RBM24: variants seen among roughly 807,000 people sequenced by gnomAD.
RBM24 encodes RNA-binding protein 24.
A neutral mutation model predicts 23.6 loss-of-function variants in RBM24; 5 were observed. That is an observed-to-expected ratio of 0.21 (90% CI 0.11 to 0.45). The LOEUF (loss-of-function observed/expected upper bound fraction) is 0.45. Ranked by LOEUF, RBM24 falls within the 20% of genes least tolerant of loss-of-function variation. The pLI, the probability that RBM24 is intolerant of heterozygous loss-of-function variation, is 0.99. For missense variants in RBM24, 252 were observed against 314.6 expected (o/e 0.80, Z 1.51); for synonymous variants, 151 against 129.5 (o/e 1.17, Z -1.13).
intron 2 of RBM24, among the ~76,000 whole-genome samples, chr6:17,283,801 TACAG>T (rs1760110230): frequency 6.6e-6 from 1 of 152,216 alleles, no homozygotes; most frequent in Non-Finnish European, 1.5e-5. Flanking sequence ...AACCCTATGC[TACAG>T]ACAAAGAAAC....
Position 17,282,271 on chromosome 6 carries a change from G to GCA in RBM24, c.168+523_168+524dup, listed in dbSNP as rs747052382. The GCA allele has an allele frequency of 3.0e-3, 3,802 of 1,283,432 alleles. 8 individuals are homozygous for GCA. The highest frequency in any genetic ancestry group is 3.6e-3 in the Non-Finnish European group (3,544 of 983,404). The allele number at this position is 1,283,432 out of a possible 1,614,324, so 79.5% of individuals were successfully genotyped here. ...GGGCTCTTTGCCGAACTGAAACAGA[G>GCA]CATATTAAGCTTCCTTCCTAGAGAT... On this transcript the variant is annotated intron_variant, in intron 1 of 3. Coordinates refer to ENST00000379052, the MANE Select transcript of RBM24 (RefSeq NM_001143942.2).
chr6:17,284,691 C>A lies in RBM24; in HGVS notation c.327C>A (p.Ala109=). ...TTGGTGTTCAACAACTTCATCCAGC[C>A]CTTATACAAAGACCTTTCGGGTAAG... The part of the protein sequence containing the change: ...FAFGVQQLHP[A]LIQRPFGIPA... The change falls in exon 3 of 4, where the codon GCC becomes GCA. Residue 109 remains alanine (A), a synonymous_variant. Coordinates refer to ENST00000379052, the MANE Select transcript of RBM24 (RefSeq NM_001143942.2). 1 of 1,611,470 alleles carries A rather than the reference C, an allele frequency of 6.2e-7. No individual in the cohort carries two copies. Among genetic ancestry groups the A allele is most frequent in the Non-Finnish European group, 8.5e-7 (1 of 1,178,896 alleles).
chr6:17,283,720 A>G (rs1760108044), intron 2 of RBM24, among the ~76,000 whole-genome samples: 2 of 152,298 alleles, frequency 1.3e-5, no homozygotes, highest in South Asian at 4.1e-4. Context: ...CCTGGCCCAA[A>G]ATGGTAAACC....
rs758056053 is a variant in RBM24, at chr6:17,291,859, G to A, written c.451G>A (p.Asp151Asn). ...TGCCGCCTCCACCACCCCTTACATT[G>A]ATTACACTGGAGCTGCATACGCACA... ...AAAASTTPYI[D>N]YTGAAYAQYS... Residue 151 changes from aspartate to asparagine, a missense_variant, in exon 4 of 4, where the codon GAT becomes AAT. By Grantham distance (23) the Asp-to-Asn change is conservative. Coordinates refer to ENST00000379052, the MANE Select transcript of RBM24 (RefSeq NM_001143942.2). The A allele has an allele frequency of 1.9e-6, 3 of 1,614,004 alleles. No individual in the cohort carries two copies. Among genetic ancestry groups the A allele is most frequent in the Non-Finnish European group, 2.5e-6 (3 of 1,180,006 alleles).
At position 17,292,290 on chromosome 6, in the gene RBM24, G is replaced by T. The variant is rs1358865157; in HGVS notation, c.*171G>T. ...TTATACTCCAGGTAGTGTTCTAGAT[G>T]AGAAAGAGGTAAGAATGAGGGGAAT... On this transcript the variant is annotated 3_prime_UTR_variant, in exon 4 of 4. Transcript: ENST00000379052. 5 of 551,062 alleles carry T rather than the reference G, an allele frequency of 9.1e-6. No individual in the cohort carries two copies. Among genetic ancestry groups the T allele is most frequent in the Non-Finnish European group, 1.4e-5 (5 of 355,634 alleles). 34.1% of individuals were successfully genotyped at this position (551,062 alleles called of 1,614,324 possible).
Position 17,281,827 on chromosome 6 carries a change from G to A in RBM24, c.168+78G>A, listed in dbSNP as rs999817255. 2.0e-6 allele frequency: 3 copies of A among 1,511,760 alleles called. No individual in the cohort carries two copies. The highest frequency in any genetic ancestry group is 1.4e-5 in the African/African-American group (1 of 71,734). 93.6% of individuals were successfully genotyped at this position (1,511,760 alleles called of 1,614,324 possible). A position where few individuals can be genotyped will look rare whatever the true frequency, so the allele number is the denominator to read the frequency against. Reference sequence around the variant, plus strand: ...CGGGGATCGGGAGCTTGGAGTGAGGGGCTCGGCGTGACCCGTGAGGAGCCC... The same window carrying A: ...CGGGGATCGGGAGCTTGGAGTGAGGAGCTCGGCGTGACCCGTGAGGAGCCC... On this transcript the variant is annotated intron_variant, in intron 1 of 3. Coordinates refer to ENST00000379052, the MANE Select transcript of RBM24 (RefSeq NM_001143942.2). The surrounding 1 kb of genome is among the most constrained non-coding windows in gnomAD (Gnocchi z 7.1).
chr6:17,286,231 A>G (rs1162477779), intron 3 of RBM24, among the ~76,000 whole-genome samples: 9 of 144,108 alleles, frequency 6.2e-5, no homozygotes, highest in Admixed American at 5.1e-4. Flanking sequence ...CTTCTGTTCA[A>G]TATGATCAGA....
chr6:17,290,914 C>G, intron 3 of RBM24: 1 of 1,280,450 alleles, frequency 7.8e-7, no homozygotes, highest in Non-Finnish European at 1.0e-6. Flanking sequence ...CCGTTGTGTC[C>G]TTATGAATTT....
chr6:17,293,226 ATTTAT>A lies in RBM24; in HGVS notation c.*1111_*1115del, dbSNP rs1022101376. ...CCTTAATAGTAATGCTATTTAAGAT[ATTTAT>A]TTTTAAGTTTTACTATGCTGCACTC... On this transcript the variant is annotated 3_prime_UTR_variant, in exon 4 of 4. Transcript: ENST00000379052. 2.6e-5 allele frequency: 4 copies of A among 152,730 alleles called. No individual in the cohort carries two copies. The highest frequency in any genetic ancestry group is 2.6e-4 in the Admixed American group (4 of 15,298). The allele number at this position is 152,730 out of a possible 1,614,324, so 9.5% of individuals were successfully genotyped here. A position where few individuals can be genotyped will look rare whatever the true frequency, so the allele number is the denominator to read the frequency against.
chr6:17,282,013 A>G, intron 1 of RBM24: 1 of 1,328,736 alleles, frequency 7.5e-7, no homozygotes, highest in Non-Finnish European at 9.7e-7. Flanking sequence ...ACCTGTAATG[A>G]CGGCGGGATT....
intron 3 of RBM24, among the ~76,000 whole-genome samples, chr6:17,286,597 C>G (rs928697098): frequency 3.3e-5 from 5 of 152,122 alleles, no homozygotes; most frequent in Middle Eastern, 3.2e-3. Context: ...TTCTAAGTGA[C>G]TTGGTATTGT....
chr6:17,287,997 A>C (rs904201467), intron 3 of RBM24, among the ~76,000 whole-genome samples: 1 of 152,330 alleles, frequency 6.6e-6, no homozygotes, highest in African/African-American at 2.4e-5. Context: ...AACATCTGCC[A>C]TATGGATTGT....
intron 3 of RBM24, chr6:17,289,786 C>T (rs999292993): frequency 4.8e-5 from 51 of 1,060,540 alleles, no homozygotes; most frequent in African/African-American, 8.4e-5. Flanking sequence ...AAAAATAGCC[C>T]GGCTGCAGCC....
chr6:17,290,823 A>G (rs1760335349), intron 3 of RBM24: 1 of 1,287,108 alleles, frequency 7.8e-7, no homozygotes, highest in African/African-American at 1.5e-5. Flanking sequence ...CATTTCCCCA[A>G]AACCCCTTCT....
rs1056541680 is a variant in RBM24 at position 17,282,948 on chromosome 6, C to T, written c.292+20C>T. ...AACCAGGTGAGAAATGTCTGTCTCC[C>T]CTACCCCCCTCTCCAAGAACCCCCC... On this transcript the variant is annotated intron_variant, in intron 2 of 3. Transcript: ENST00000379052. The T allele has an allele frequency of 1.1e-5, 18 of 1,573,382 alleles. No homozygotes were observed. Among genetic ancestry groups the T allele is most frequent in the Non-Finnish European group, 1.4e-5 (16 of 1,143,892 alleles).
intron 3 of RBM24, 195 bp downstream of exon 3, chr6:17,284,906 C>T (rs1283656947): frequency 2.4e-6 from 1 of 422,202 alleles, no homozygotes; most frequent in Non-Finnish European, 4.1e-6. Context: ...AAGTATGCAG[C>T]CTCCAAACGA....
In RBM24 at chr6:17,292,680, A is replaced by G. The variant is rs1036554680; in HGVS notation, c.*561A>G. The G allele has an allele frequency of 1.3e-5, 2 of 152,744 alleles. No individual in the cohort carries two copies. The highest frequency in any genetic ancestry group is 2.9e-5 in the Non-Finnish European group (2 of 68,116). 9.5% of individuals were successfully genotyped at this position (152,744 alleles called of 1,614,324 possible). ...AAAATGGGCATCGAACAATCAATCTAGGAGCGTGGCAGTGGGTAAAATGGT... is the reference window on the plus strand; with the variant it reads ...AAAATGGGCATCGAACAATCAATCTGGGAGCGTGGCAGTGGGTAAAATGGT... On this transcript the variant is annotated 3_prime_UTR_variant, in exon 4 of 4. Coordinates refer to ENST00000379052, the MANE Select transcript of RBM24 (RefSeq NM_001143942.2).
rs1431701071 is a variant in RBM24 at position 17,284,728 on chromosome 6, G to T, written c.347+17G>T. The T allele has an allele frequency of 3.7e-6, 6 of 1,603,804 alleles. No homozygotes were observed. Among genetic ancestry groups the T allele is most frequent in the Non-Finnish European group, 5.1e-6 (6 of 1,173,452 alleles). ...ACCTTTCGGGTAAGTTGATTAATCA[G>T]GCTTTCTTAAGTTTCAGTATGACTA... On this transcript the variant is annotated intron_variant, in intron 3 of 3. Coordinates refer to ENST00000379052, the MANE Select transcript of RBM24 (RefSeq NM_001143942.2).
chr6:17,288,530 T>C, intron 3 of RBM24: 1 of 985,452 alleles, frequency 1.0e-6, no homozygotes, highest in Non-Finnish European at 1.2e-6. Context: ...AATAGGAGGC[T>C]ATGTTAAGAC....
Sources: gnomAD v4.1 joint callset for allele counts (sites outside exome capture counted in the v4.1 genomes callset) on GRCh38, gnomAD v4.1.1 for gene constraint, Gnocchi (gnomAD v3.1) non-coding constraint, MANE v1.5 for transcripts, NCBI Gene and HGNC (gene_info 2026-07-23, HGNC 2026-07-21) for gene names.